The following TJP1 variants were observed in gnomAD, a reference collection of about 807,000 sequenced individuals.
The protein encoded by TJP1 is tight junction protein ZO-1.
In TJP1, 43 loss-of-function variants were observed where a neutral mutation model predicts 194.2. The observed-to-expected ratio is 0.22, with a 90% confidence interval of 0.17 to 0.29. The LOEUF (loss-of-function observed/expected upper bound fraction) is 0.29. TJP1 is among the 10% of genes least tolerant of loss of function. TJP1 has a pLI of 1.00. For missense variants in TJP1, 1,971 were observed against 2,185.7 expected, an observed-to-expected ratio of 0.90 and a Z score of 1.96; for synonymous variants, 801 against 779.0, an observed-to-expected ratio of 1.03 and a Z score of -0.47.
intron 2 of TJP1, among the ~76,000 whole-genome samples, chr15:29,862,838 C>T (rs1182459901): frequency 1.3e-5 from 2 of 151,070 alleles, no homozygotes; most frequent in African/African-American, 2.4e-5. Flanking sequence ...TTAGTAGAGA[C>T]GGGGTTTCAC....
intron 1 of TJP1, among the ~76,000 whole-genome samples, chr15:29,811,074 T>C (rs1408338797): frequency 6.6e-6 from 1 of 152,030 alleles, no homozygotes; most frequent in African/African-American, 2.4e-5. Flanking sequence ...AAGAGAAAGT[T>C]GACAGGAAGT....
chr15:29,820,761 G>A (rs2050276548), intron 1 of TJP1: 2 of 576,766 alleles, frequency 3.5e-6, no homozygotes, highest in South Asian at 2.3e-5. Context: ...TAAATCTCTG[G>A]ATCAAGTTTT....
chr15:29,769,059 C>T (rs928708311), intron 4 of TJP1, among the ~76,000 whole-genome samples: 2 of 151,992 alleles, frequency 1.3e-5, no homozygotes, highest in Non-Finnish European at 2.9e-5. Flanking sequence ...TAAAATGATA[C>T]AAAACAACAA....
At chr15:29,863,490 A>C (rs916337495) in intron 2 of TJP1, among the ~76,000 whole-genome samples, 19 of 152,256 alleles carry the variant, frequency 1.2e-4, no homozygotes, top group African/African-American at 4.6e-4. Flanking sequence ...CAGTGTTTTT[A>C]AAGCATCTTG....
chr15:29,867,708 A>G (rs1215475157), intron 2 of TJP1, among the ~76,000 whole-genome samples: 1 of 152,132 alleles, frequency 6.6e-6, no homozygotes, highest in African/African-American at 2.4e-5. Flanking sequence ...GCTTGAGGTC[A>G]GGAGTTTAAG....
chr15:29,759,028 T>C (rs2045827663), intron 8 of TJP1: 1 of 152,206 alleles, frequency 6.6e-6, no homozygotes. Flanking sequence ...GTTCCCATTT[T>C]AGTAGAATGC....
intron 2 of TJP1, among the ~76,000 whole-genome samples, chr15:29,795,768 A>G (rs890127366): frequency 6.6e-6 from 1 of 152,186 alleles, no homozygotes; most frequent in Admixed American, 6.5e-5. Context: ...ACAAAACATC[A>G]GCAAATCAAT....
At chr15:29,924,898 T>G (rs1356364588) in intron 2 of TJP1, among the ~76,000 whole-genome samples, 1 of 152,230 alleles carries the variant, frequency 6.6e-6, no homozygotes, top group Non-Finnish European at 1.5e-5. Flanking sequence ...CTCCTCCCCA[T>G]AGTCCCAGTG....
In TJP1 at chr15:29,822,078, G is replaced by A; in HGVS notation, c.-50C>T. ...AGGCTCCTCGGACCCGAAACTCCGC[G>A]GCGCTGGCCCGCCCGCTCCTCACGC... On this transcript the variant is annotated 5_prime_UTR_variant, in exon 1 of 28. Coordinates refer to ENST00000614355, the MANE Select transcript of TJP1 (RefSeq NM_001330239.4). 3.2e-6 allele frequency: 4 copies of A among 1,248,404 alleles called. No homozygotes were observed. Among genetic ancestry groups the A allele is most frequent in the South Asian group, 6.6e-5 (2 of 30,406 alleles). 77.3% of individuals were successfully genotyped at this position (1,248,404 alleles called of 1,614,324 possible).
At chr15:29,913,027 C>G (rs761332204) in intron 2 of TJP1, among the ~76,000 whole-genome samples, 1 of 151,918 alleles carries the variant, frequency 6.6e-6, no homozygotes, top group African/African-American at 2.4e-5. Flanking sequence ...TTCATCAGAG[C>G]CTTGAAAAAA....
intron 5 of TJP1, among the ~76,000 whole-genome samples, chr15:29,765,713 A>G (rs1029339896): frequency 6.6e-6 from 1 of 152,128 alleles, no homozygotes; most frequent in Non-Finnish European, 1.5e-5. Context: ...CAACACGGCA[A>G]AAACCCTGTC....
At chr15:29,948,924 C>T (rs1232684557) in intron 2 of TJP1, among the ~76,000 whole-genome samples, 1 of 151,774 alleles carries the variant, frequency 6.6e-6, no homozygotes, top group Non-Finnish European at 1.5e-5. Context: ...ACACCTCCAC[C>T]ACCACCTCCT....
chr15:29,954,847 G>A (rs777375184), intron 2 of TJP1, among the ~76,000 whole-genome samples: 7 of 152,270 alleles, frequency 4.6e-5, no homozygotes, highest in Non-Finnish European at 8.8e-5. Flanking sequence ...TTAGGAGGCC[G>A]AGGCGGGTGG....
chr15:29,907,475 T>C lies in TJP1; in HGVS notation c.306+48757A>G, dbSNP rs949351751. On this transcript the variant is annotated intron_variant, in intron 2 of 28. Coordinates refer to the TJP1 transcript ENST00000356107. ...TATTCATATGCCATTAGACAAGGCA[T>C]AGAAAACACTACACTATTAATACTG... 5.9e-5 allele frequency among the ~76,000 whole-genome samples: 9 copies of C among 152,304 alleles called. No homozygotes were observed. In the East Asian group the frequency reaches 9.7e-4, roughly 16 times the overall value.
chr15:29,766,514 AT>A lies in TJP1; in HGVS notation c.340del (p.Ile114TyrfsTer3). 6.4e-7 allele frequency: 1 copy of A among 1,573,966 alleles called. No individual in the cohort carries two copies. The highest frequency in any genetic ancestry group is 8.6e-7 in the Non-Finnish European group (1 of 1,161,442). On this transcript the variant is annotated frameshift_variant, in exon 5 of 28. Transcript: ENST00000614355. LOFTEE classifies it high-confidence loss of function. ...ITIRRKKKVQ[I>X]PVSRPDPEPV... ...TTCAGGATCAGGACGACTTACTGGT[AT>A]TTGAACTTTCTTCTTCCTTCTAATT...
intron 2 of TJP1, among the ~76,000 whole-genome samples, chr15:29,925,023 G>A (rs550246592): frequency 6.6e-6 from 1 of 152,332 alleles, no homozygotes; most frequent in South Asian, 2.1e-4. Flanking sequence ...GTGTCTACCT[G>A]TGCCAGCAGT....
chr15:29,843,876 A>G (rs1479722639), intron 2 of TJP1, among the ~76,000 whole-genome samples: 1 of 152,130 alleles, frequency 6.6e-6, no homozygotes, highest in East Asian at 1.9e-4. Context: ...ATGTACATCC[A>G]GGAAAATGCT....
intron 2 of TJP1, among the ~76,000 whole-genome samples, chr15:29,919,031 T>A (rs548583363): frequency 6.8e-4 from 104 of 152,268 alleles, no homozygotes; most frequent in African/African-American, 2.4e-3. Context: ...TGGTGAAATG[T>A]CACCATGCCG....
chr15:29,927,486 G>A (rs1254275390), intron 2 of TJP1, among the ~76,000 whole-genome samples: 2 of 152,104 alleles, frequency 1.3e-5, no homozygotes, highest in Non-Finnish European at 2.9e-5. Flanking sequence ...ATACACAGAG[G>A]TTAAGAGAAA....
Sources: allele counts gnomAD v4.1 joint callset (sites outside exome capture counted in the v4.1 genomes callset), GRCh38; gene constraint gnomAD v4.1.1; transcripts MANE v1.5; gene names NCBI Gene and HGNC (gene_info 2026-07-23, HGNC 2026-07-21).